Variants in ULK4 observed in about 807,000 individuals in gnomAD.
ULK4 encodes the protein unc-51 like kinase 4.
In ULK4, 133 loss-of-function variants were observed where a neutral mutation model predicts 160.6. That is an observed-to-expected ratio of 0.83 (90% CI 0.72 to 0.96). ULK4 has a LOEUF of 0.96. Among genes scored for constraint, ULK4 ranks in the 40% least tolerant of loss-of-function variants. ULK4 has a pLI of 0.00. For synonymous variants in ULK4, 534 were observed against 539.8 expected, an observed-to-expected ratio of 0.99 and a Z score of 0.15; for missense variants, 1,580 against 1,499.5, an observed-to-expected ratio of 1.05 and a Z score of -0.89.
chr3:41,378,526 G>T (rs571546056), intron 35 of ULK4, among the ~76,000 whole-genome samples: 2 of 149,550 alleles, frequency 1.3e-5, no homozygotes, highest in Non-Finnish European at 3.0e-5. Context: ...GCAAACTATC[G>T]CAAGGACAAA....
intron 17 of ULK4, among the ~76,000 whole-genome samples, chr3:41,840,756 T>C (rs1387352842): frequency 6.6e-6 from 1 of 152,180 alleles, no homozygotes; most frequent in African/African-American, 2.4e-5. Context: ...TGCCTTGGCC[T>C]CCCAAAGTGC....
chr3:41,761,987 G>C (rs1328375396), intron 21 of ULK4, among the ~76,000 whole-genome samples: 1 of 152,088 alleles, frequency 6.6e-6, no homozygotes, highest in Non-Finnish European at 1.5e-5. Flanking sequence ...AGATGGCTGA[G>C]GTGGATGGAT....
chr3:41,586,140 C>T (rs892690888), intron 31 of ULK4, among the ~76,000 whole-genome samples: 2 of 152,158 alleles, frequency 1.3e-5, no homozygotes, highest in African/African-American at 4.8e-5. Flanking sequence ...AGCAATCACA[C>T]TTCTGGGTAT....
chr3:41,781,810 G>A (rs554153720), intron 21 of ULK4, among the ~76,000 whole-genome samples: 2 of 152,000 alleles, frequency 1.3e-5, no homozygotes, highest in African/African-American at 2.4e-5. Context: ...GTGGTGCCAG[G>A]CACCTGTAAT....
intron 2 of ULK4, among the ~76,000 whole-genome samples, chr3:41,942,321 C>G (rs1699984048): frequency 6.6e-6 from 1 of 152,028 alleles, no homozygotes; most frequent in Admixed American, 6.6e-5. Context: ...AAGTTTAAGA[C>G]CAGCCTGGCC....
Position 41,352,336 on chromosome 3 carries a change from G to A in ULK4, c.3678+45743C>T, listed in dbSNP as rs546121345. ...CACTGTCCTTGACAAGAGTACACAC[G>A]GCTTCCCCCTCCTTTATCTTTAAGG... On this transcript the variant is annotated intron_variant, in intron 35 of 36. Transcript: ENST00000301831. Among the ~76,000 whole-genome samples the A allele has an allele frequency of 6.6e-5, 10 of 152,180 alleles. No individual in the cohort carries two copies. In the East Asian group the frequency reaches 9.7e-4, roughly 15 times the overall value.
chr3:41,425,966 A>G (rs1424489907), intron 34 of ULK4, among the ~76,000 whole-genome samples: 1 of 152,192 alleles, frequency 6.6e-6, no homozygotes, highest in Non-Finnish European at 1.5e-5. Context: ...AAATGCCCCA[A>G]TTAAAAGGCA....
Position 41,931,287 on chromosome 3 carries a change from C to T in ULK4, c.541+557G>A, listed in dbSNP as rs1397455149. On this transcript the variant is annotated intron_variant, in intron 5 of 36. Transcript: ENST00000301831. ...GTAAGTGGGAGTTGAACAATGAGAA[C>T]ACATGGACACAGGGAGGGGAACATC... Among the ~76,000 whole-genome samples, 3 of 151,880 alleles carry T rather than the reference C, an allele frequency of 2.0e-5. No individual in the cohort carries two copies. The East Asian group carries it at 5.8e-4, about 29-fold the overall frequency.
chr3:41,704,876 C>T (rs2036814950), intron 27 of ULK4, among the ~76,000 whole-genome samples, 181 bp downstream of exon 27: 1 of 151,992 alleles, frequency 6.6e-6, no homozygotes, highest in Admixed American at 6.6e-5. Flanking sequence ...AAGAAAAACG[C>T]CAAGAAAGTC....
intron 35 of ULK4, among the ~76,000 whole-genome samples, chr3:41,344,924 T>C (rs1263845515): frequency 1.3e-5 from 2 of 151,952 alleles, no homozygotes; most frequent in African/African-American, 4.8e-5. Flanking sequence ...TACAAGGAAC[T>C]TGAGTTTACA....
intron 35 of ULK4, among the ~76,000 whole-genome samples, chr3:41,371,195 G>T (rs1486220331): frequency 1.3e-5 from 2 of 152,214 alleles, no homozygotes; most frequent in Non-Finnish European, 2.9e-5. Flanking sequence ...AGCAACTCGG[G>T]GAAGGGGCGG....
At chr3:41,316,757 G>A (rs887358771) in intron 35 of ULK4, among the ~76,000 whole-genome samples, 1 of 152,112 alleles carries the variant, frequency 6.6e-6, no homozygotes, top group African/African-American at 2.4e-5. Flanking sequence ...TTAAAAAATG[G>A]ATATATTATT....
chr3:41,628,647 T>C (rs9824758), intron 30 of ULK4, among the ~76,000 whole-genome samples: 36,920 of 152,130 alleles, frequency 0.24, 4,706 homozygotes, highest in Admixed American at 0.29. Flanking sequence ...TGTGGGATCC[T>C]AGATTAAATC....
At chr3:41,521,103 G>C (rs1407173453) in intron 32 of ULK4, among the ~76,000 whole-genome samples, 1 of 152,190 alleles carries the variant, frequency 6.6e-6, no homozygotes, top group African/African-American at 2.4e-5. Flanking sequence ...AATGGAAGAA[G>C]CCAGATACCA....
Position 41,782,148 on chromosome 3 carries a change from G to A in ULK4, c.2193+7513C>T, listed in dbSNP as rs535132555. ...CTGATTTTCACTTCATCTTCATAGC[G>A]ATTCTGAATTTTTTTTTTTTTTTGG... On this transcript the variant is annotated intron_variant, in intron 21 of 36. Coordinates refer to ENST00000301831, the MANE Select transcript of ULK4 (RefSeq NM_017886.4). 1.3e-4 allele frequency among the ~76,000 whole-genome samples: 19 copies of A among 145,098 alleles called. No homozygotes were observed. The East Asian group carries it at 3.7e-3, about 28-fold the overall frequency.
chr3:41,301,586 G>A (rs1057193740), intron 35 of ULK4, among the ~76,000 whole-genome samples: 22 of 152,236 alleles, frequency 1.4e-4, no homozygotes, highest in East Asian at 5.8e-4. Context: ...GCTTTCTGGC[G>A]TGCTACGTTT....
At chr3:41,686,984 G>C (rs2036121727) in intron 27 of ULK4, among the ~76,000 whole-genome samples, 1 of 152,108 alleles carries the variant, frequency 6.6e-6, no homozygotes, top group Non-Finnish European at 1.5e-5. Context: ...TTGGGAGTGT[G>C]AGGTGGGAGG....
intron 35 of ULK4, among the ~76,000 whole-genome samples, chr3:41,348,725 T>C (rs1019074578): frequency 2.6e-5 from 4 of 152,220 alleles, no homozygotes; most frequent in Admixed American, 6.5e-5. Flanking sequence ...AGAAGTCCTT[T>C]ATATCTGCAT....
At chr3:41,668,768 A>G (rs2125771118) in intron 29 of ULK4, among the ~76,000 whole-genome samples, 1 of 152,318 alleles carries the variant, frequency 6.6e-6, no homozygotes. Context: ...AATAAACTAA[A>G]ATTTTAAGGA....
Sources: gnomAD v4.1 joint callset for allele counts (sites outside exome capture counted in the v4.1 genomes callset) on GRCh38, gnomAD v4.1.1 for gene constraint, MANE v1.5 for transcripts, NCBI Gene and HGNC (gene_info 2026-07-23, HGNC 2026-07-21) for gene names.